The following TGM3 variants were observed in gnomAD, a reference collection of about 807,000 sequenced individuals.
TGM3 encodes transglutaminase 3, also known as protein-glutamine gamma-glutamyltransferase E.
A neutral mutation model predicts 73.8 loss-of-function variants in TGM3; 52 were observed. The ratio of observed to expected loss-of-function variants is 0.70; its 90% CI spans 0.56 to 0.89. The LOEUF (loss-of-function observed/expected upper bound fraction) is 0.89, where lower values mean the gene tolerates loss of function less well. TGM3 is among the 40% of genes least tolerant of loss of function. TGM3 has a pLI of 0.00. For missense variants in TGM3, 928 were observed against 909.9 expected, an observed-to-expected ratio of 1.02 and a Z score of -0.26; for synonymous variants, 372 against 354.9, an observed-to-expected ratio of 1.05 and a Z score of -0.54.
intron 5 of TGM3, among the ~76,000 whole-genome samples, chr20:2,313,651 A>T (rs200441082): frequency 1.3e-5 from 2 of 150,102 alleles, no homozygotes; most frequent in African/African-American, 2.5e-5. Flanking sequence ...AATCACACAC[A>T]CTCTCTCTCT....
chr20:2,306,298 G>A (rs1055194463), intron 1 of TGM3, among the ~76,000 whole-genome samples: 2 of 152,088 alleles, frequency 1.3e-5, no homozygotes, highest in African/African-American at 4.8e-5. Context: ...TCTAGAATGA[G>A]CTTTATCTGG....
In TGM3 at chr20:2,340,567, G is replaced by A. The variant is rs767808303; in HGVS notation, c.2068G>A (p.Asp690Asn). ...FPAIKAMLSI[D>N]VAE ...TGCAATCAAGGCCATGTTGTCCATC[G>A]ATGTAGCCGAATGAAGGGCGCTGGT... Residue 690 changes from aspartate (D) to asparagine (N), a missense_variant, in exon 13 of 13, where the codon GAT (aspartate) becomes AAT (asparagine). By Grantham distance (23) the Asp-to-Asn change is conservative. Transcript: ENST00000381458. 10 of 1,613,994 alleles carry A rather than the reference G, an allele frequency of 6.2e-6. No individual in the cohort carries two copies. The highest frequency in any genetic ancestry group is 2.7e-5 in the African/African-American group (2 of 74,910).
At chr20:2,318,537 A>G (rs1228441567) in intron 7 of TGM3, among the ~76,000 whole-genome samples, 1 of 152,232 alleles carries the variant, frequency 6.6e-6, no homozygotes, top group Non-Finnish European at 1.5e-5. Context: ...TCATATACCA[A>G]GTTATTACCG....
At position 2,340,435 on chromosome 20, in the gene TGM3, G is replaced by A. The variant is rs760313314; in HGVS notation, c.1936G>A (p.Val646Met). Residue 646 changes from valine (V) to methionine (M), a missense_variant and splice_region_variant, in exon 13 of 13, where the codon GTG (valine) becomes ATG (methionine). Transcript: ENST00000381458. ...GLLLGNLKID[V>M]PTLGPKEGSR... ...ACTGATCTGTGCCCTCCCCATCAGC[G>A]TGCCGACCCTAGGGCCCAAGGAGGG... 2.0e-5 allele frequency: 32 copies of A among 1,613,872 alleles called. 1 individual carries two copies. Among genetic ancestry groups the A allele is most frequent in the East Asian group, 8.9e-5 (4 of 44,872 alleles).
At chr20:2,335,423 C>T (rs576859486) in intron 11 of TGM3, 150 bp downstream of exon 11, 9 of 977,288 alleles carry the variant, frequency 9.2e-6, no homozygotes, top group East Asian at 2.6e-5. Context: ...GGCCCAGCTT[C>T]GGTCCAGCCT....
At chr20:2,338,349 T>C (rs1291047549) in intron 11 of TGM3, among the ~76,000 whole-genome samples, 11 of 151,566 alleles carry the variant, frequency 7.3e-5, no homozygotes. Context: ...TAAGCGGCAT[T>C]AAAAAAAGAA....
At chr20:2,340,027 A>AGGGGGTGGGGGGGGGGGGG in intron 12 of TGM3, 40 bp downstream of exon 12, 1 of 133,152 alleles carries the variant, frequency 7.5e-6, no homozygotes, top group Non-Finnish European at 1.6e-5. Flanking sequence ...GGAGGGCGGG[A>AGGGGGTGGGGGGGGGGGGG]GGGGGCGGGG....
intron 12 of TGM3, among the ~76,000 whole-genome samples, 193 bp from the exon 13 acceptor site, chr20:2,340,241 C>G (rs2084373896): frequency 6.6e-6 from 1 of 152,162 alleles, no homozygotes. Flanking sequence ...ATGGGACCCC[C>G]CCCTCCTGCT....
intron 11 of TGM3, among the ~76,000 whole-genome samples, chr20:2,339,355 G>C (rs1177710692): frequency 6.6e-6 from 1 of 152,206 alleles, no homozygotes; most frequent in Non-Finnish European, 1.5e-5. Context: ...CCCAGCAAGT[G>C]GCTGGGCACA....
At position 2,325,419 on chromosome 20, in the gene TGM3, C is replaced by T. The variant is rs543918025; in HGVS notation, c.984-430C>T. ...CTCCTGCAGCAACCCCATTCATTTT[C>T]GGCCAACACCAAGCACAGAAGCATA... On this transcript the variant is annotated intron_variant, in intron 7 of 12. Coordinates refer to ENST00000381458, the MANE Select transcript of TGM3 (RefSeq NM_003245.4). Among the ~76,000 whole-genome samples the T allele has an allele frequency of 4.3e-4, 66 of 152,292 alleles. 1 individual carries two copies. In the South Asian group the frequency reaches 4.3e-3, roughly 10 times the overall value.
intron 7 of TGM3, among the ~76,000 whole-genome samples, chr20:2,321,934 C>G (rs909585700): frequency 2.6e-5 from 4 of 152,100 alleles, no homozygotes; most frequent in African/African-American, 9.7e-5. Context: ...TATTAAAATA[C>G]AGCTACTTAT....
intron 1 of TGM3, among the ~76,000 whole-genome samples, chr20:2,296,350 C>T (rs1016740854): frequency 1.3e-4 from 20 of 152,126 alleles, no homozygotes; most frequent in African/African-American, 4.8e-4. Context: ...AGGCAGAGGA[C>T]AAGCTTTGCC....
At chr20:2,298,010 A>G (rs1175646759) in intron 1 of TGM3, among the ~76,000 whole-genome samples, 1 of 142,624 alleles carries the variant, frequency 7.0e-6, no homozygotes, top group Non-Finnish European at 1.6e-5. Flanking sequence ...GGAATTTGGG[A>G]TAGGGAAGAC....
Position 2,339,895 on chromosome 20 carries a change from G to A in TGM3, c.1842G>A (p.Gln614=). The A allele has an allele frequency of 6.2e-7, 1 of 1,614,142 alleles. No individual in the cohort carries two copies. The change falls in exon 12 of 13, where the codon CAG becomes CAA. Residue 614 remains glutamine, a synonymous_variant. Coordinates refer to ENST00000381458, the MANE Select transcript of TGM3 (RefSeq NM_003245.4). ...GTGTGCGGAAGCCTGTGAACGTGCA[G>A]ATGCTCTTCTCCAATCCACTGGATG... ...EARVRKPVNV[Q]MLFSNPLDEP... is the part of the protein sequence containing the mutation.
chr20:2,298,126 G>A (rs1007472628), intron 1 of TGM3, among the ~76,000 whole-genome samples: 4 of 152,116 alleles, frequency 2.6e-5, no homozygotes, highest in South Asian at 2.1e-4. Flanking sequence ...TGACCCAGGG[G>A]ACTATCGGGA....
chr20:2,328,130 G>A lies in TGM3; in HGVS notation c.1098G>A (p.Gln366=), dbSNP rs2084299566. The part of the protein sequence containing the change: ...TPQERSQGVF[Q]CGPASVIGVR... The stretch of plus-strand genomic sequence containing the variant: ...CATCTTGGCCTCCAGGGGTGTTCCA[G>A]TGCGGCCCCGCTTCGGTCATTGGTG... Residue 366 remains glutamine (Q), a synonymous_variant, in exon 9 of 13, where the codon CAG becomes CAA. Coordinates refer to ENST00000381458, the MANE Select transcript of TGM3 (RefSeq NM_003245.4). This position sits in a 1 kb window ranked among gnomAD's most constrained non-coding sequence, Gnocchi z 5.2. 6 of 1,614,218 alleles carry A rather than the reference G, an allele frequency of 3.7e-6. No homozygotes were observed. The East Asian group carries it at 8.9e-5, about 24-fold the overall frequency.
chr20:2,317,132 G>A lies in TGM3; in HGVS notation c.734G>A (p.Arg245Gln), dbSNP rs1050145837. The change falls in exon 6 of 13, where the codon CGG becomes CAG. Residue 245 changes from arginine to glutamine, a missense_variant. By Grantham distance (43) the Arg-to-Gln change is conservative (BLOSUM62 1). Coordinates refer to ENST00000381458, the MANE Select transcript of TGM3 (RefSeq NM_003245.4). The part of the protein sequence containing the change: ...GNWSGTYTGG[R>Q]DPRSWNGSVE... ...TGGAGCGGCACTTACACCGGTGGCC[G>A]GGACCCAAGGAGCTGGAACGGCAGC... 1.2e-5 allele frequency: 20 copies of A among 1,613,916 alleles called. No individual in the cohort carries two copies. Among genetic ancestry groups the A allele is most frequent in the South Asian group, 3.3e-5 (3 of 91,082 alleles).
In TGM3 at chr20:2,340,986, C is replaced by T; in HGVS notation, c.*405C>T. 1 of 459,886 alleles carries T rather than the reference C, an allele frequency of 2.2e-6. No individual in the cohort carries two copies. The highest frequency in any genetic ancestry group is 1.5e-5 in the South Asian group (1 of 64,574). The allele number at this position is 459,886 out of a possible 1,614,324, so 28.5% of individuals were successfully genotyped here. On this transcript the variant is annotated 3_prime_UTR_variant, in exon 13 of 13. Transcript: ENST00000381458. ...CTGCACGGGGCATTCCTGCTTCTCT[C>T]TCAGGCCACCACAGAGGGCAGGGGA... is the stretch of plus-strand genomic sequence containing the variant.
intron 11 of TGM3, among the ~76,000 whole-genome samples, chr20:2,335,620 T>TCAGTTCTTCTCACTCA (rs2084345910): frequency 6.6e-6 from 1 of 152,068 alleles, no homozygotes; most frequent in Admixed American, 6.5e-5. Context: ...GAGCATTTGC[T>TCAGTTCTTCTCACTCA]GTGTTCTGGG....
Sources: allele counts gnomAD v4.1 joint callset (sites outside exome capture counted in the v4.1 genomes callset), GRCh38; gene constraint gnomAD v4.1.1; non-coding constraint Gnocchi (gnomAD v3.1); transcripts MANE v1.5; gene names NCBI Gene and HGNC (gene_info 2026-07-23, HGNC 2026-07-21).